Variants in KCNAB1 observed in about 807,000 individuals in gnomAD.
KCNAB1 encodes the protein voltage-gated potassium channel subunit beta-1.
A neutral mutation model predicts 64.6 loss-of-function variants in KCNAB1; 35 were observed. That is an observed-to-expected ratio of 0.54 (90% confidence interval 0.41 to 0.72). The LOEUF is 0.72. Among genes scored for constraint, KCNAB1 ranks in the 30% least tolerant of loss-of-function variants. The probability of loss-of-function intolerance (pLI) is 0.00; values close to 1 mark genes in which losing one functional copy is unlikely to be tolerated. For missense variants in KCNAB1, 401 were observed against 512.9 expected (o/e 0.78, Z 2.11); for synonymous variants, 177 against 183.8 (o/e 0.96, Z 0.30).
At chr3:156,212,085 C>T (rs192495507) in intron 1 of KCNAB1, among the ~76,000 whole-genome samples, 24 of 152,218 alleles carry the variant, frequency 1.6e-4, no homozygotes, top group Middle Eastern at 3.4e-3. Context: ...TTCATGATCC[C>T]CCACCATGTT....
intron 1 of KCNAB1, among the ~76,000 whole-genome samples, chr3:156,171,183 T>TCACACACA (rs1273648068): frequency 2.3e-4 from 17 of 74,992 alleles, no homozygotes; most frequent in Admixed American, 1.1e-3. Flanking sequence ...GTTAGAAACT[T>TCACACACA]CACGCACACA....
chr3:156,342,834 T>G lies in KCNAB1; in HGVS notation c.276-78782T>G, dbSNP rs919358641. Among the ~76,000 whole-genome samples the G allele has an allele frequency of 5.3e-5, 8 of 151,878 alleles. No homozygotes were observed. In the South Asian group the frequency reaches 6.3e-4, roughly 12 times the overall value. ...TGACTGGGGATCTTCAAGAGGGAAG[T>G]CCAATGGGGGGCTTTTCAAGATGTT... On this transcript the variant is annotated intron_variant, in intron 1 of 13. Transcript: ENST00000490337.
chr3:156,142,542 C>T (rs1714766533), intron 1 of KCNAB1, among the ~76,000 whole-genome samples: 1 of 152,164 alleles, frequency 6.6e-6, no homozygotes, highest in Admixed American at 6.5e-5. Context: ...GCTATTCTTC[C>T]TCCACAGATT....
At position 156,515,298 on chromosome 3, in the gene KCNAB1, G is replaced by A. The variant is rs146167686; in HGVS notation, c.865+78G>A. ...GATTCGGGGAAAAAATAAAAACAGT[G>A]TTATTGAAATGCTTTCCTAAATGTC... On this transcript the variant is annotated intron_variant, in intron 10 of 13. Transcript: ENST00000490337. 2.4e-5 allele frequency: 33 copies of A among 1,360,560 alleles called. No individual in the cohort carries two copies. The African/African-American group carries it at 4.4e-4, about 18-fold the overall frequency. The allele number at this position is 1,360,560 out of a possible 1,614,324, so 84.3% of individuals were successfully genotyped here.
At chr3:156,535,300 G>T (rs1005974009) in intron 13 of KCNAB1, among the ~76,000 whole-genome samples, 1 of 152,204 alleles carries the variant, frequency 6.6e-6, no homozygotes. Context: ...TGAAACCTCA[G>T]AATTGGTCGT....
chr3:156,301,070 G>A (rs1253326077), intron 1 of KCNAB1, among the ~76,000 whole-genome samples: 1 of 152,200 alleles, frequency 6.6e-6, no homozygotes, highest in East Asian at 1.9e-4. Flanking sequence ...AGCTCCTCAT[G>A]ATTAGTTCAT....
At chr3:156,223,989 G>A (rs28863273) in intron 1 of KCNAB1, among the ~76,000 whole-genome samples, 1,582 of 152,342 alleles carry the variant, frequency 0.01, 27 homozygotes, top group African/African-American at 0.035. Context: ...GGCTCAGGCC[G>A]CGCAGGAGCC....
chr3:156,507,329 AG>A (rs940001054), intron 8 of KCNAB1, among the ~76,000 whole-genome samples: 2 of 152,246 alleles, frequency 1.3e-5, no homozygotes, highest in African/African-American at 4.8e-5. Context: ...GAGATGTCAA[AG>A]GTTAGTGACT....
intron 1 of KCNAB1, among the ~76,000 whole-genome samples, chr3:156,391,189 C>T (rs781611241): frequency 1.7e-4 from 26 of 151,932 alleles, no homozygotes; most frequent in Non-Finnish European, 3.4e-4. Flanking sequence ...ATTTGAATAC[C>T]CAGGTTGAAA....
chr3:156,310,644 AG>A (rs1178114083), intron 1 of KCNAB1, among the ~76,000 whole-genome samples: 46 of 152,230 alleles, frequency 3.0e-4, no homozygotes, highest in African/African-American at 9.2e-4. Context: ...TCTACTAAAA[AG>A]TACAAAAAAT....
In KCNAB1 at chr3:156,505,661, T is replaced by C. The variant is rs534345765; in HGVS notation, c.659-8703T>C. ...GTGTATTATGCCATTTTTGCATTGC[T>C]ATAAAGAAATACCTGAGGCTAGGTA... On this transcript the variant is annotated intron_variant, in intron 8 of 13. Coordinates refer to ENST00000490337, the MANE Select transcript of KCNAB1 (RefSeq NM_172160.3). Among the ~76,000 whole-genome samples the C allele has an allele frequency of 1.6e-4, 24 of 152,328 alleles. 1 individual carries two copies. The South Asian group carries it at 5.0e-3, about 32-fold the overall frequency.
intron 1 of KCNAB1, among the ~76,000 whole-genome samples, chr3:156,360,903 C>T (rs555566552): frequency 2.6e-5 from 4 of 152,098 alleles, no homozygotes; most frequent in African/African-American, 7.2e-5. Flanking sequence ...TGCCATCTCT[C>T]GCCTGGGTTA....
intron 1 of KCNAB1, among the ~76,000 whole-genome samples, chr3:156,234,876 C>G (rs1716760080): frequency 6.6e-6 from 1 of 152,182 alleles, no homozygotes; most frequent in East Asian, 1.9e-4. Context: ...CCAGAGTTTG[C>G]TATTATAAGA....
At chr3:156,232,682 T>C (rs1448333932) in intron 1 of KCNAB1, among the ~76,000 whole-genome samples, 2 of 152,212 alleles carry the variant, frequency 1.3e-5, no homozygotes, top group Non-Finnish European at 2.9e-5. Context: ...AGTGAGACAA[T>C]AATATTTTCC....
chr3:156,461,115 TC>T (rs58821791), intron 5 of KCNAB1, among the ~76,000 whole-genome samples: 18,345 of 152,218 alleles, frequency 0.12, 1,904 homozygotes, highest in African/African-American at 0.28. Flanking sequence ...TGAGTTACTT[TC>T]CCACTCAGAG....
chr3:156,190,269 C>A (rs1360050502), intron 1 of KCNAB1, among the ~76,000 whole-genome samples: 1 of 152,136 alleles, frequency 6.6e-6, no homozygotes. Context: ...CAATTGCCAA[C>A]CTGTGTTTTC....
At chr3:156,138,026 G>A (rs546340029) in intron 1 of KCNAB1, among the ~76,000 whole-genome samples, 1 of 152,218 alleles carries the variant, frequency 6.6e-6, no homozygotes, top group East Asian at 1.9e-4. Flanking sequence ...AGTCTTTACT[G>A]GTTTCTCTCC....
chr3:156,175,752 C>T, intron 1 of KCNAB1: 1 of 559,916 alleles, frequency 1.8e-6, no homozygotes, highest in Non-Finnish European at 3.4e-6. Context: ...CTGTTTCTTG[C>T]CAGTAATCGT....
Position 156,429,799 on chromosome 3 carries a change from T to C in KCNAB1, c.319+8140T>C, listed in dbSNP as rs117989492. 4.5e-4 allele frequency among the ~76,000 whole-genome samples: 68 copies of C among 152,324 alleles called. No homozygotes were observed. In the East Asian group the frequency reaches 0.012, roughly 27 times the overall value. On this transcript the variant is annotated intron_variant, in intron 2 of 13. Coordinates refer to ENST00000490337, the MANE Select transcript of KCNAB1 (RefSeq NM_172160.3). ...CTCCTGGGACACTTGAGAGGTAGTT[T>C]TAAAATGCAAGCTTTCCCTGAAAGA...
Sources: gnomAD v4.1 joint callset for allele counts (sites outside exome capture counted in the v4.1 genomes callset) on GRCh38, gnomAD v4.1.1 for gene constraint, MANE v1.5 for transcripts, NCBI Gene and HGNC (gene_info 2026-07-23, HGNC 2026-07-21) for gene names.